The following ARHGEF7 variants were observed in gnomAD, a reference collection of about 807,000 sequenced individuals.
The protein encoded by ARHGEF7 is Rho guanine nucleotide exchange factor 7, also known as PAK-interacting exchange factor beta.
ARHGEF7 carries 33 observed loss-of-function variants against 109.8 expected under a neutral mutation model. The observed-to-expected ratio is 0.30, with a 90% confidence interval of 0.23 to 0.40. The LOEUF (loss-of-function observed/expected upper bound fraction) is 0.40, where lower values mean the gene tolerates loss of function less well. Ranked by LOEUF, ARHGEF7 falls within the 10% of genes least tolerant of loss-of-function variation. The probability of loss-of-function intolerance (pLI) is 1.00; values close to 1 mark genes in which losing one functional copy is unlikely to be tolerated. For missense variants in ARHGEF7, 938 were observed against 1,098.5 expected, an observed-to-expected ratio of 0.85 and a Z score of 2.07; for synonymous variants, 458 against 424.6, an observed-to-expected ratio of 1.08 and a Z score of -0.97.
intron 8 of ARHGEF7, among the ~76,000 whole-genome samples, chr13:111,251,180 G>A (rs1408566628): frequency 6.6e-6 from 1 of 152,156 alleles, no homozygotes; most frequent in African/African-American, 2.4e-5. Flanking sequence ...CGGGTATGAC[G>A]GAAAGGGGTT....
chr13:111,181,275 G>A (rs1469571523), intron 2 of ARHGEF7, among the ~76,000 whole-genome samples: 1 of 152,196 alleles, frequency 6.6e-6, no homozygotes, highest in Non-Finnish European at 1.5e-5. Context: ...GTAAATTTGT[G>A]TATTAAGGGT....
intron 12 of ARHGEF7, 141 bp downstream of exon 12, chr13:111,275,819 T>C: frequency 9.3e-7 from 1 of 1,073,562 alleles, no homozygotes; most frequent in Non-Finnish European, 1.4e-6. Flanking sequence ...TTTTTATTCT[T>C]GACACAGGAG....
At chr13:111,122,825 C>T (rs1483205200) in intron 1 of ARHGEF7, 3 of 152,280 alleles carry the variant, frequency 2.0e-5, no homozygotes, top group African/African-American at 7.2e-5. Context: ...CCAGACGCCT[C>T]CTTTTGCAGA....
intron 4 of ARHGEF7, among the ~76,000 whole-genome samples, chr13:111,216,570 A>G: frequency 6.6e-6 from 1 of 150,656 alleles, no homozygotes; most frequent in Non-Finnish European, 1.5e-5. Context: ...TGGTGGGGAT[A>G]GAGGCCTGGA....
In ARHGEF7 at chr13:111,280,419, T is replaced by G. The variant is rs1486991359; in HGVS notation, c.1585+69T>G. 12 of 1,585,342 alleles carry G rather than the reference T, an allele frequency of 7.6e-6. No individual in the cohort carries two copies. The East Asian group carries it at 2.7e-4, about 36-fold the overall frequency. On this transcript the variant is annotated intron_variant, in intron 14 of 21. Coordinates refer to ENST00000646102, the MANE Select transcript of ARHGEF7 (RefSeq NM_001354046.2). ...AGGCAGCTTGTCCCCGCGTGCAGAT[T>G]CTTGCTTGCGTATTTCAGAAGGTGG... is the stretch of plus-strand genomic sequence containing the variant.
At chr13:111,151,176 C>T (rs537159591) in intron 1 of ARHGEF7, among the ~76,000 whole-genome samples, 24 of 152,280 alleles carry the variant, frequency 1.6e-4, no homozygotes, top group South Asian at 1.5e-3. Context: ...GTTCATTTGC[C>T]AACATTCTTA....
intron 2 of ARHGEF7, among the ~76,000 whole-genome samples, chr13:111,175,611 G>C (rs1292416492): frequency 6.6e-6 from 1 of 152,194 alleles, no homozygotes; most frequent in East Asian, 1.9e-4. Context: ...TAAGCTGCTG[G>C]CTCCTCACTG....
At position 111,273,145 on chromosome 13, in the gene ARHGEF7, G is replaced by A. The variant is rs908866164; in HGVS notation, c.1074-669G>A. 6.6e-6 allele frequency among the ~76,000 whole-genome samples: 1 copy of A among 152,222 alleles called. No homozygotes were observed. Among genetic ancestry groups the A allele is most frequent in the African/African-American group, 2.4e-5 (1 of 41,448 alleles). ...TGTTGTGAGGATTGAATGTAACAAT[G>A]CTTTTGAAGTTCTAAAGCGTAAATC... On this transcript the variant is annotated intron_variant, in intron 9 of 21. Coordinates refer to ENST00000646102, the MANE Select transcript of ARHGEF7 (RefSeq NM_001354046.2). The surrounding 1 kb of genome is among the most constrained non-coding windows in gnomAD (Gnocchi z 4.5).
intron 14 of ARHGEF7, 43 bp from the exon 15 acceptor site, chr13:111,280,495 A>T: frequency 3.8e-6 from 6 of 1,577,526 alleles, no homozygotes; most frequent in South Asian, 1.2e-5. Flanking sequence ...CGTGCTTTTT[A>T]CCTGTGTTTC....
intron 8 of ARHGEF7, among the ~76,000 whole-genome samples, chr13:111,248,485 C>T (rs2089266077): frequency 6.6e-6 from 1 of 151,890 alleles, no homozygotes; most frequent in Non-Finnish European, 1.5e-5. Flanking sequence ...TCTACTCTGC[C>T]TTGGGGCTCC....
At chr13:111,173,655 G>GTTA (rs1161848184) in intron 2 of ARHGEF7, among the ~76,000 whole-genome samples, 1 of 152,252 alleles carries the variant, frequency 6.6e-6, no homozygotes, top group Non-Finnish European at 1.5e-5. Context: ...TGGATGTGCT[G>GTTA]TTAGGGTCAG....
At chr13:111,210,989 G>A (rs1049733594) in intron 4 of ARHGEF7, among the ~76,000 whole-genome samples, 54 of 152,206 alleles carry the variant, frequency 3.5e-4, no homozygotes, top group Admixed American at 3.5e-3. Context: ...TGAAGCATGT[G>A]TGAAAAATGG....
At chr13:111,257,638 G>C (rs565964385) in intron 8 of ARHGEF7, among the ~76,000 whole-genome samples, 6 of 152,220 alleles carry the variant, frequency 3.9e-5, no homozygotes, top group Non-Finnish European at 8.8e-5. Flanking sequence ...GAGTGATCAC[G>C]GTGCCTGGTT....
At position 111,230,346 on chromosome 13, in the gene ARHGEF7, C is replaced by G. The variant is rs544102343; in HGVS notation, c.671-2859C>G. ...GTAGGGCAGTTGAGTATTTTCTAAT[C>G]TATTTCCTGGCTGTGTGCTTTTCTG... On this transcript the variant is annotated intron_variant, in intron 5 of 21. Coordinates refer to ENST00000646102, the MANE Select transcript of ARHGEF7 (RefSeq NM_001354046.2). 9.8e-5 allele frequency among the ~76,000 whole-genome samples: 15 copies of G among 152,298 alleles called. No homozygotes were observed. In the South Asian group the frequency reaches 3.1e-3, roughly 32 times the overall value.
chr13:111,293,297 A>G, intron 19 of ARHGEF7: 1 of 985,376 alleles, frequency 1.0e-6, no homozygotes, highest in African/African-American at 1.7e-5. Context: ...AGAGCCATGG[A>G]CACATCATTA....
intron 4 of ARHGEF7, 77 bp downstream of exon 4, chr13:111,210,079 G>T: frequency 6.4e-7 from 1 of 1,571,256 alleles, no homozygotes; most frequent in East Asian, 2.3e-5. Flanking sequence ...GAGAAGATAC[G>T]TATGCCTCCA....
intron 2 of ARHGEF7, among the ~76,000 whole-genome samples, chr13:111,203,558 G>GA (rs1245859877): frequency 1.3e-5 from 2 of 152,212 alleles, no homozygotes; most frequent in African/African-American, 4.8e-5. Context: ...AGAATGCTTA[G>GA]ATGTGTTCAC....
intron 16 of ARHGEF7, among the ~76,000 whole-genome samples, chr13:111,283,657 C>G (rs1721577571): frequency 6.6e-6 from 1 of 152,214 alleles, no homozygotes; most frequent in Admixed American, 6.5e-5. Context: ...TGGAAAGGCG[C>G]TGAGCCCAGG....
intron 3 of ARHGEF7, 71 bp from the exon 4 acceptor site, chr13:111,209,801 C>T: frequency 6.5e-7 from 1 of 1,546,954 alleles, no homozygotes; most frequent in Non-Finnish European, 8.8e-7. Context: ...GTTTTAAAGT[C>T]TAGTGTGTAG....
Sources: gnomAD v4.1 joint callset for allele counts (sites outside exome capture counted in the v4.1 genomes callset) on GRCh38, gnomAD v4.1.1 for gene constraint, Gnocchi (gnomAD v3.1) non-coding constraint, MANE v1.5 for transcripts, NCBI Gene and HGNC (gene_info 2026-07-23, HGNC 2026-07-21) for gene names.